MKLN1: variants seen among roughly 807,000 people sequenced by gnomAD.
MKLN1 encodes the protein muskelin 1.
A neutral mutation model predicts 99.0 loss-of-function variants in MKLN1; 18 were observed. That is an observed-to-expected ratio of 0.18 (90% CI 0.13 to 0.27). MKLN1 has a LOEUF of 0.27. MKLN1 is among the 10% of genes least tolerant of loss of function. The pLI is 1.00. For synonymous variants in MKLN1, 288 were observed against 293.2 expected (o/e 0.98, Z 0.18); for missense variants, 621 against 875.9 (o/e 0.71, Z 3.67).
In MKLN1 at chr7:131,235,952, G is replaced by A. The variant is rs561532191; in HGVS notation, c.-179+32978G>A. Among the ~76,000 whole-genome samples, 77 of 152,326 alleles carry A rather than the reference G, an allele frequency of 5.1e-4. No individual in the cohort carries two copies. The Middle Eastern group carries it at 0.01, about 20-fold the overall frequency. ...ATCATCCACAGGAAATGCAGGCCCC[G>A]ATGGGGAGTGTGCCCAGATCGAGTT... On this transcript the variant is annotated intron_variant, in intron 3 of 7. Coordinates refer to the MKLN1 transcript ENST00000416992.
At chr7:131,465,986 T>G (rs1796650980) in intron 14 of MKLN1, among the ~76,000 whole-genome samples, 1 of 152,244 alleles carries the variant, frequency 6.6e-6, no homozygotes, top group Non-Finnish European at 1.5e-5. Flanking sequence ...GCAAATAATA[T>G]CTTGGATTAA....
intron 1 of MKLN1, among the ~76,000 whole-genome samples, chr7:131,114,700 C>A (rs1470428517): frequency 1.3e-5 from 2 of 152,096 alleles, no homozygotes; most frequent in Non-Finnish European, 2.9e-5. Flanking sequence ...AATCCCAGCA[C>A]TTTGGAAGGC....
chr7:131,403,735 T>C (rs1312736611), intron 6 of MKLN1, among the ~76,000 whole-genome samples: 1 of 152,296 alleles, frequency 6.6e-6, no homozygotes, highest in African/African-American at 2.4e-5. Flanking sequence ...TGCTGGTTTA[T>C]GGAGAAGTCA....
intron 3 of MKLN1, among the ~76,000 whole-genome samples, chr7:131,227,908 T>C (rs1797181810): frequency 6.6e-6 from 1 of 152,116 alleles, no homozygotes; most frequent in African/African-American, 2.4e-5. Context: ...TTTGCTCATG[T>C]GGCAGCTTCC....
chr7:131,263,037 A>G (rs1797756136), intron 3 of MKLN1, among the ~76,000 whole-genome samples: 1 of 152,154 alleles, frequency 6.6e-6, no homozygotes, highest in African/African-American at 2.4e-5. Flanking sequence ...TTCTTATAAA[A>G]AGAAAGTTAG....
At chr7:131,134,592 C>T (rs1173343717) in intron 1 of MKLN1, among the ~76,000 whole-genome samples, 3 of 152,146 alleles carry the variant, frequency 2.0e-5, no homozygotes, top group Non-Finnish European at 4.4e-5. Flanking sequence ...CCTTTAGCTT[C>T]GTCAGTGTCA....
At chr7:131,479,755 A>G (rs1020446568) in intron 17 of MKLN1, among the ~76,000 whole-genome samples, 3 of 151,976 alleles carry the variant, frequency 2.0e-5, no homozygotes, top group African/African-American at 4.8e-5. Flanking sequence ...GTAACCCAGG[A>G]GGCAGAGCTC....
chr7:131,179,247 C>T (rs755390535), intron 2 of MKLN1, among the ~76,000 whole-genome samples: 4 of 152,152 alleles, frequency 2.6e-5, no homozygotes, highest in Non-Finnish European at 5.9e-5. Flanking sequence ...CACACATAGA[C>T]TGCAACAAAT....
At chr7:131,148,697 C>T (rs965272531) in intron 2 of MKLN1, among the ~76,000 whole-genome samples, 2 of 152,012 alleles carry the variant, frequency 1.3e-5, no homozygotes, top group African/African-American at 4.8e-5. Context: ...CACTTGAACC[C>T]CAGGAGGTCA....
At chr7:131,430,564 CTCT>C (rs1317435983) in intron 9 of MKLN1, among the ~76,000 whole-genome samples, 1 of 152,134 alleles carries the variant, frequency 6.6e-6, no homozygotes, top group African/African-American at 2.4e-5. Flanking sequence ...AAAATCCTCC[CTCT>C]TCTTCAGTGA....
intron 2 of MKLN1, among the ~76,000 whole-genome samples, chr7:131,196,340 A>G (rs1472410630): frequency 1.3e-5 from 2 of 152,200 alleles, no homozygotes; most frequent in Non-Finnish European, 2.9e-5. Flanking sequence ...GAATATATAA[A>G]CAAGCTTAAG....
chr7:131,254,605 T>TA (rs1797630476), intron 3 of MKLN1, among the ~76,000 whole-genome samples: 1 of 151,884 alleles, frequency 6.6e-6, no homozygotes, highest in Non-Finnish European at 1.5e-5. Flanking sequence ...AGATTTTTTT[T>TA]TAAAAAAGAA....
chr7:131,495,514 TATTA>T lies in MKLN1; in HGVS notation c.*7792_*7795del, dbSNP rs904571318. ...ACTAAGTATAAAGAAGAAAAACCAG[TATTA>T]ATTAAGTGATGAGACCTGTTCATTT... On this transcript the variant is annotated 3_prime_UTR_variant, in exon 18 of 18. Transcript: ENST00000352689. 4.6e-5 allele frequency: 7 copies of T among 152,150 alleles called. No homozygotes were observed. The highest frequency in any genetic ancestry group is 2.1e-4 in the South Asian group (1 of 4,834). 9.4% of individuals were successfully genotyped at this position (152,150 alleles called of 1,614,324 possible).
At chr7:131,226,169 AT>A (rs1211362008) in intron 3 of MKLN1, among the ~76,000 whole-genome samples, 1 of 152,066 alleles carries the variant, frequency 6.6e-6, no homozygotes, top group Non-Finnish European at 1.5e-5. Context: ...TCCTCCTTCA[AT>A]GCCAGACTGT....
chr7:131,471,039 A>G, intron 16 of MKLN1, 95 bp downstream of exon 16: 1 of 784,922 alleles, frequency 1.3e-6, no homozygotes, highest in Admixed American at 2.8e-5. Flanking sequence ...GTGTAAAGGA[A>G]AACGAAGAAA....
At chr7:131,177,702 C>A (rs750068247) in intron 2 of MKLN1, among the ~76,000 whole-genome samples, 56 of 152,066 alleles carry the variant, frequency 3.7e-4, no homozygotes, top group Non-Finnish European at 7.2e-4. Flanking sequence ...TGCTCCTTGT[C>A]TTTTGATTTT....
At chr7:131,215,687 A>G (rs547168210) in intron 3 of MKLN1, among the ~76,000 whole-genome samples, 3 of 152,316 alleles carry the variant, frequency 2.0e-5, no homozygotes, top group South Asian at 2.1e-4. Context: ...TATTCTTCAT[A>G]AACGATTACA....
intron 1 of MKLN1, among the ~76,000 whole-genome samples, chr7:131,337,209 G>A (rs550571046): frequency 6.6e-6 from 1 of 152,076 alleles, no homozygotes; most frequent in Non-Finnish European, 1.5e-5. Flanking sequence ...GGTTTTGTTT[G>A]TACCCTGTTT....
At position 131,494,934 on chromosome 7, in the gene MKLN1, C is replaced by G. The variant is rs1005010915; in HGVS notation, c.*7206C>G. 2.6e-5 allele frequency: 4 copies of G among 151,032 alleles called. No individual in the cohort carries two copies. Among genetic ancestry groups the G allele is most frequent in the Non-Finnish European group, 5.9e-5 (4 of 67,382 alleles). The allele number at this position is 151,032 out of a possible 1,614,324, so 9.4% of individuals were successfully genotyped here. On this transcript the variant is annotated 3_prime_UTR_variant, in exon 18 of 18. Coordinates refer to ENST00000352689, the MANE Select transcript of MKLN1 (RefSeq NM_013255.5). ...ATAAATATACATACATACACATACA[C>G]ATACATTTTTAAAATGCTCTTTTTA... is the stretch of plus-strand genomic sequence containing the variant.
Sources: allele counts gnomAD v4.1 joint callset (sites outside exome capture counted in the v4.1 genomes callset), GRCh38; gene constraint gnomAD v4.1.1; transcripts MANE v1.5; gene names NCBI Gene and HGNC (gene_info 2026-07-23, HGNC 2026-07-21).